OGFR: variants seen among roughly 807,000 people sequenced by gnomAD.
The protein encoded by OGFR is protein 7-60.
Under a neutral mutation model 33.6 loss-of-function variants are expected in OGFR, and 18 were observed. The observed-to-expected ratio is 0.54, with a 90% CI of 0.37 to 0.80. OGFR has a LOEUF of 0.80. Ranked by LOEUF, OGFR falls within the 30% of genes least tolerant of loss-of-function variation. OGFR has a pLI of 0.00. For missense variants in OGFR, 877 were observed against 955.8 expected, an observed-to-expected ratio of 0.92 and a Z score of 1.09; for synonymous variants, 370 against 400.7, an observed-to-expected ratio of 0.92 and a Z score of 0.91.
intron 1 of OGFR, chr20:62,806,915 TGAGAA>T (rs376677709): frequency 0.01 from 1,607 of 155,636 alleles, 14 homozygotes; most frequent in South Asian, 0.042. Flanking sequence ...GACATCTTGC[TGAGAA>T]GCCATCACTA....
rs1159236902 is a variant in OGFR, at chr20:62,812,481, A to G, written c.866A>G (p.Gln289Arg). Residue 289 changes from glutamine to arginine, a missense_variant, in exon 7 of 7, where the codon CAA becomes CGA. Physicochemically the swap from Gln to Arg is conservative, Grantham distance 43. Around this residue, in one of 3 missense-constraint regions of OGFR, gnomAD observed 760 missense variants for 736.0 expected, o/e 1.03. Transcript: ENST00000290291. ...RPRCKFVWGP[Q>R]DKLRRFKPSS... ...CGCTGCAAGTTCGTCTGGGGGCCCC[A>G]AGACAAGCTGCGGAGGTTCAAGCCC... The G allele has an allele frequency of 2.5e-6, 4 of 1,579,578 alleles. No individual in the cohort carries two copies. The highest frequency in any genetic ancestry group is 8.6e-7 in the Non-Finnish European group (1 of 1,163,246).
intron 1 of OGFR, chr20:62,806,213 G>C (rs891973172): frequency 6.6e-6 from 1 of 152,342 alleles, no homozygotes; most frequent in African/African-American, 2.4e-5. Flanking sequence ...ATGATCAGGC[G>C]GGGCGAGAGA....
rs1311295118 is a variant in OGFR at position 62,813,946 on chromosome 20, TTTC to T, written c.*300_*302del. ...GTGGGGGGCGGCGGGCAGGGCTGCT[TTTC>T]TTAGTCTGATACCAAGCAAGGCCTT... On this transcript the variant is annotated 3_prime_UTR_variant, in exon 7 of 7. Transcript: ENST00000290291. 1 of 528,302 alleles carries T rather than the reference TTTC, an allele frequency of 1.9e-6. No individual in the cohort carries two copies. The highest frequency in any genetic ancestry group is 3.4e-6 in the Non-Finnish European group (1 of 297,148). The allele number at this position is 528,302 out of a possible 1,614,324, so 32.7% of individuals were successfully genotyped here. A position where few individuals can be genotyped will look rare whatever the true frequency, so the allele number is the denominator to read the frequency against.
At chr20:62,808,167 G>C (rs776869612) in intron 2 of OGFR, 80 bp from the exon 3 acceptor site, 1 of 1,089,888 alleles carries the variant, frequency 9.2e-7, no homozygotes, top group South Asian at 1.2e-5. Flanking sequence ...TTGCAGATGC[G>C]CCTCCCCGAA....
rs772103061 is a variant in OGFR at position 62,813,132 on chromosome 20, G to A, written c.1517G>A (p.Gly506Asp). 1.0e-5 allele frequency: 16 copies of A among 1,579,582 alleles called. No homozygotes were observed. In the East Asian group the frequency reaches 1.4e-4, roughly 14 times the overall value. Reference sequence around the variant, plus strand: ...AACGGGGTTGAGGAGGACACAGAAGGTCGAACGGGGCCCAAAGAAGGTACC... The same window carrying A: ...AACGGGGTTGAGGAGGACACAGAAGATCGAACGGGGCCCAAAGAAGGTACC... ...SENGVEEDTE[G>D]RTGPKEGTPG... Residue 506 changes from glycine to aspartate, a missense_variant, in exon 7 of 7, where the codon GGT becomes GAT. By Grantham distance (94) the Gly-to-Asp change is moderately conservative (BLOSUM62 -1). Around this residue, in one of 3 missense-constraint regions of OGFR, gnomAD observed 760 missense variants for 736.0 expected, o/e 1.03. Transcript: ENST00000290291.
chr20:62,813,167 C>A lies in OGFR; in HGVS notation c.1552C>A (p.Pro518Thr). 6.5e-7 allele frequency: 1 copy of A among 1,526,810 alleles called. No homozygotes were observed. 94.6% of individuals were successfully genotyped at this position (1,526,810 alleles called of 1,614,324 possible). A position where few individuals can be genotyped will look rare whatever the true frequency, so the allele number is the denominator to read the frequency against. Residue 518 changes from proline (P) to threonine (T), a missense_variant, in exon 7 of 7, where the codon CCA becomes ACA. By Grantham distance (38) the Pro-to-Thr change is conservative (BLOSUM62 -1). Transcript: ENST00000290291. ...TGPKEGTPGS[P>T]SETPGPSPAG... Reference sequence around the variant, plus strand: ...GCCCAAAGAAGGTACCCCTGGGAGCCCATCGGAGACCCCAGGCCCCAGCCC... The same window carrying A: ...GCCCAAAGAAGGTACCCCTGGGAGCACATCGGAGACCCCAGGCCCCAGCCC...
chr20:62,807,217 G>T (rs1284462865), intron 1 of OGFR: 3 of 423,664 alleles, frequency 7.1e-6, no homozygotes, highest in Non-Finnish European at 1.3e-5. Flanking sequence ...CAGGGGAGGT[G>T]CATGTCAGCC....
chr20:62,807,661 A>C, intron 2 of OGFR, 56 bp downstream of exon 2: 3 of 1,549,132 alleles, frequency 1.9e-6, no homozygotes, highest in Non-Finnish European at 2.7e-6. Context: ...TGCTCTTCTC[A>C]GGCAGAATGT....
intron 1 of OGFR, 56 bp from the exon 2 acceptor site, chr20:62,807,481 G>T: frequency 6.5e-7 from 1 of 1,526,928 alleles, no homozygotes; most frequent in Non-Finnish European, 9.0e-7. Context: ...TCACCACGTT[G>T]GGACTCACTT....
At chr20:62,809,724 A>G (rs571213769) in intron 4 of OGFR, 61 bp downstream of exon 4, 291 of 1,324,240 alleles carry the variant, frequency 2.2e-4, no homozygotes, top group Middle Eastern at 1.6e-3. Flanking sequence ...GGGCCCTCCC[A>G]GGCAGGAGCC....
Position 62,810,582 on chromosome 20 carries a change from C to T in OGFR, c.465+17C>T. On this transcript the variant is annotated intron_variant, in intron 5 of 6. Coordinates refer to ENST00000290291, the MANE Select transcript of OGFR (RefSeq NM_007346.4). ...GAGGTCGAGGTGAGCCAGGCCTTGGCTGTGACTGGAGGGGAAGATGGGGAG... is the reference window on the plus strand; with the variant it reads ...GAGGTCGAGGTGAGCCAGGCCTTGGTTGTGACTGGAGGGGAAGATGGGGAG... The T allele has an allele frequency of 1.2e-6, 2 of 1,611,354 alleles. No homozygotes were observed. Among genetic ancestry groups the T allele is most frequent in the East Asian group, 2.2e-5 (1 of 44,862 alleles).
At chr20:62,810,072 C>G (rs1990689059) in intron 4 of OGFR, among the ~76,000 whole-genome samples, 1 of 130,596 alleles carries the variant, frequency 7.7e-6, no homozygotes, top group African/African-American at 3.0e-5. Flanking sequence ...GTCTTGGGGA[C>G]CCACAATGTG....
chr20:62,808,274 G>C lies in OGFR; in HGVS notation c.268G>C (p.Asp90His). Residue 90 changes from aspartate (D) to histidine (H), a missense_variant, in exon 3 of 7, where the codon GAC becomes CAC. By Grantham distance (81) the Asp-to-His change is moderately conservative (BLOSUM62 -1). Transcript: ENST00000290291. ...PDLVERDCNG[D>H]TPNLSFYRNE... ...TCTGGTGGAACGAGACTGCAATGGG[G>C]ACACGCCAAACCTGAGTTTCTACAG... The C allele has an allele frequency of 6.2e-7, 1 of 1,613,498 alleles. No homozygotes were observed. The highest frequency in any genetic ancestry group is 8.5e-7 in the Non-Finnish European group (1 of 1,179,914).
At position 62,812,769 on chromosome 20, in the gene OGFR, G is replaced by A. The variant is rs780226718; in HGVS notation, c.1154G>A (p.Arg385Lys). 38 of 1,612,024 alleles carry A rather than the reference G, an allele frequency of 2.4e-5. No homozygotes were observed. Among genetic ancestry groups the A allele is most frequent in the Non-Finnish European group, 3.1e-5 (36 of 1,179,640 alleles). Residue 385 changes from arginine to lysine, a missense_variant, in exon 7 of 7, where the codon AGG becomes AAG. Coordinates refer to ENST00000290291, the MANE Select transcript of OGFR (RefSeq NM_007346.4). ...TTAAGCCCCAAAGAGAGCAAGAAGA[G>A]GAAGCTGGAGCTGAGCCGGCGGGAG... Reference protein sequence around the residue: ...EPLSPKESKKRKLELSRREQP... With the variant: ...EPLSPKESKKKKLELSRREQP...
intron 3 of OGFR, 60 bp from the exon 4 acceptor site, chr20:62,809,525 G>A (rs557077257): frequency 8.2e-4 from 1,084 of 1,324,670 alleles, no homozygotes; most frequent in African/African-American, 1.4e-3. Context: ...CCCACACCCC[G>A]TCCTCCTGAG....
In OGFR at chr20:62,811,626, T is replaced by TGGGGCG; in HGVS notation, c.614+16_614+17insGGGGCG. On this transcript the variant is annotated intron_variant, in intron 6 of 6. Coordinates refer to ENST00000290291, the MANE Select transcript of OGFR (RefSeq NM_007346.4). ...ACCTGAACTGGTGAGGCCCGGCTGC[T>TGGGGCG]CCCGCCCACCCCCACCCCGGCGCAG... 6.7e-7 allele frequency: 1 copy of TGGGGCG among 1,502,548 alleles called. No homozygotes were observed. Among genetic ancestry groups the TGGGGCG allele is most frequent in the Non-Finnish European group, 9.0e-7 (1 of 1,110,138 alleles). 93.1% of individuals were successfully genotyped at this position (1,502,548 alleles called of 1,614,324 possible). A position where few individuals can be genotyped will look rare whatever the true frequency, so the allele number is the denominator to read the frequency against.
chr20:62,811,625 C>CGGGCGG lies in OGFR; in HGVS notation c.614+15_614+16insGGGCGG. 6.5e-7 allele frequency: 1 copy of CGGGCGG among 1,548,458 alleles called. No individual in the cohort carries two copies. The highest frequency in any genetic ancestry group is 8.7e-7 in the Non-Finnish European group (1 of 1,145,116). On this transcript the variant is annotated intron_variant, in intron 6 of 6. Coordinates refer to ENST00000290291, the MANE Select transcript of OGFR (RefSeq NM_007346.4). ...AACCTGAACTGGTGAGGCCCGGCTG[C>CGGGCGG]TCCCGCCCACCCCCACCCCGGCGCA...
Position 62,812,563 on chromosome 20 carries a change from C to A in OGFR, c.948C>A (p.Pro316=). 1 of 1,580,238 alleles carries A rather than the reference C, an allele frequency of 6.3e-7. No individual in the cohort carries two copies. Among genetic ancestry groups the A allele is most frequent in the East Asian group, 2.3e-5 (1 of 43,242 alleles). ...GGAAGGTGGAGGAGGAAGGAAGCCC[C>A]GGGGACCCCGACCACGAGGCCAGCA... ...GSRKVEEEGS[P]GDPDHEASTQ... Residue 316 remains proline (P), a synonymous_variant, in exon 7 of 7, where the codon CCC becomes CCA. Transcript: ENST00000290291.
chr20:62,811,624 G>GCGGGCGCCCCCCC lies in OGFR; in HGVS notation c.614+15_614+16insGGGCGCCCCCCCC. On this transcript the variant is annotated intron_variant, in intron 6 of 6. Coordinates refer to ENST00000290291, the MANE Select transcript of OGFR (RefSeq NM_007346.4). ...GAACCTGAACTGGTGAGGCCCGGCT[G>GCGGGCGCCCCCCC]CTCCCGCCCACCCCCACCCCGGCGC... The GCGGGCGCCCCCCC allele has an allele frequency of 6.4e-7, 1 of 1,551,504 alleles. No individual in the cohort carries two copies. Among genetic ancestry groups the GCGGGCGCCCCCCC allele is most frequent in the Non-Finnish European group, 8.7e-7 (1 of 1,147,394 alleles).
Sources: gnomAD v4.1 joint callset for allele counts (sites outside exome capture counted in the v4.1 genomes callset) on GRCh38, gnomAD v4.1.1 for gene constraint, gnomAD v4.1.1 regional missense constraint, MANE v1.5 for transcripts, NCBI Gene and HGNC (gene_info 2026-07-23, HGNC 2026-07-21) for gene names.